Variants in PLCL2 observed in about 807,000 individuals in gnomAD.
PLCL2 encodes phospholipase C like 2.
A neutral mutation model predicts 79.6 loss-of-function variants in PLCL2; 4 were observed. The ratio of observed to expected loss-of-function variants is 0.05; its 90% CI spans 0.02 to 0.11. The LOEUF is 0.11. PLCL2 is among the 10% of genes least tolerant of loss of function. The pLI, the probability that PLCL2 is intolerant of heterozygous loss-of-function variation, is 1.00. For missense variants in PLCL2, 895 were observed against 1,291.0 expected, an observed-to-expected ratio of 0.69 and a Z score of 4.70; for synonymous variants, 484 against 457.7, an observed-to-expected ratio of 1.06 and a Z score of -0.73.
chr3:17,034,430 T>C (rs1290608623), intron 3 of PLCL2, among the ~76,000 whole-genome samples: 1 of 152,192 alleles, frequency 6.6e-6, no homozygotes, highest in Admixed American at 6.5e-5. Context: ...AATTATCAGG[T>C]ATTTGACATT....
At chr3:17,024,958 C>A (rs570317034) in intron 3 of PLCL2, among the ~76,000 whole-genome samples, 2 of 152,162 alleles carry the variant, frequency 1.3e-5, no homozygotes, top group Non-Finnish European at 2.9e-5. Context: ...GAAACCTGGG[C>A]GCTTCATGAG....
At chr3:16,914,932 G>A (rs1181157076) in intron 1 of PLCL2, among the ~76,000 whole-genome samples, 1 of 152,054 alleles carries the variant, frequency 6.6e-6, no homozygotes, top group Admixed American at 6.6e-5. Flanking sequence ...AGATCTTGCA[G>A]TGTTGCCCAG....
chr3:17,007,092 A>G (rs530274504), intron 1 of PLCL2, among the ~76,000 whole-genome samples: 1 of 152,328 alleles, frequency 6.6e-6, no homozygotes, highest in Admixed American at 6.5e-5. Flanking sequence ...CACGATATAT[A>G]AAGATTATAA....
At chr3:17,060,016 C>T (rs2064933066) in intron 4 of PLCL2, among the ~76,000 whole-genome samples, 2 of 151,136 alleles carry the variant, frequency 1.3e-5, no homozygotes, top group African/African-American at 2.4e-5. Flanking sequence ...AACAGAACTC[C>T]TCTGTGCATG....
rs1193096050 is a variant in PLCL2, at chr3:17,010,085, C to A, written c.739C>A (p.Arg247=). 6 of 1,613,686 alleles carry A rather than the reference C, an allele frequency of 3.7e-6. No homozygotes were observed. The highest frequency in any genetic ancestry group is 5.1e-6 in the Non-Finnish European group (6 of 1,179,788). Residue 247 remains arginine, a synonymous_variant, in exon 2 of 6, where the codon CGG becomes AGG. Coordinates refer to ENST00000615277, the MANE Select transcript of PLCL2 (RefSeq NM_001144382.2). This position sits in a 1 kb window ranked among gnomAD's most constrained non-coding sequence, Gnocchi z 5.8. The part of the protein sequence containing the change: ...DVANIWVTGL[R]YLISYGKHTL... ...TGCAAACATCTGGGTTACAGGACTG[C>A]GGTACCTAATTTCTTATGGAAAACA...
intron 5 of PLCL2, among the ~76,000 whole-genome samples, chr3:17,079,090 A>T (rs1265499544): frequency 6.6e-6 from 1 of 152,168 alleles, no homozygotes; most frequent in Non-Finnish European, 1.5e-5. Flanking sequence ...GGTGTGCTTG[A>T]AAGATTAATA....
intron 3 of PLCL2, among the ~76,000 whole-genome samples, chr3:17,042,487 T>TG (rs2064735175): frequency 6.6e-6 from 1 of 152,206 alleles, no homozygotes; most frequent in Non-Finnish European, 1.5e-5. Flanking sequence ...GTGTAGGTGT[T>TG]GAAGTTTTCT....
intron 1 of PLCL2, among the ~76,000 whole-genome samples, chr3:16,935,170 GT>G (rs1438298686): frequency 5.3e-5 from 8 of 152,200 alleles, no homozygotes; most frequent in African/African-American, 1.9e-4. Context: ...CAAAGTTGAA[GT>G]TTTTTTCATG....
In PLCL2 at chr3:16,905,428, C is replaced by T. The variant is rs115111667; in HGVS notation, c.327+20062C>T. Among the ~76,000 whole-genome samples the T allele has an allele frequency of 9.7e-3, 1,481 of 152,288 alleles. 30 individuals carry two copies. Among genetic ancestry groups the T allele is most frequent in the African/African-American group, 0.034 (1,417 of 41,554 alleles). On this transcript the variant is annotated intron_variant, in intron 1 of 5. Coordinates refer to ENST00000615277, the MANE Select transcript of PLCL2 (RefSeq NM_001144382.2). ...CTCTGTATCAAACCAAAATAGCAGC[C>T]TTCTAATGGAAATTTTCTTTTAGTA...
intron 1 of PLCL2, among the ~76,000 whole-genome samples, chr3:16,891,859 C>G (rs1335899898): frequency 6.6e-6 from 1 of 152,216 alleles, no homozygotes; most frequent in Non-Finnish European, 1.5e-5. Flanking sequence ...TCTGTTTCCT[C>G]AGGTTTCCTT....
At chr3:17,049,821 G>GA (rs1010502524) in intron 4 of PLCL2, among the ~76,000 whole-genome samples, 28 of 148,104 alleles carry the variant, frequency 1.9e-4, no homozygotes, top group South Asian at 1.1e-3. Flanking sequence ...CATGGAAATT[G>GA]AAAAAAAAAA....
intron 5 of PLCL2, among the ~76,000 whole-genome samples, chr3:17,074,296 T>G (rs2065089189): frequency 6.6e-6 from 1 of 152,208 alleles, no homozygotes; most frequent in African/African-American, 2.4e-5. Flanking sequence ...GCAGTAATAT[T>G]GTGAAAGGAA....
intron 5 of PLCL2, among the ~76,000 whole-genome samples, chr3:17,074,926 C>G (rs2065095282): frequency 6.6e-6 from 1 of 152,226 alleles, no homozygotes; most frequent in Non-Finnish European, 1.5e-5. Context: ...TGAGACCACT[C>G]AAACTTTCTC....
chr3:16,940,407 T>C (rs1012242124), intron 1 of PLCL2, among the ~76,000 whole-genome samples: 1 of 152,232 alleles, frequency 6.6e-6, no homozygotes, highest in Admixed American at 6.5e-5. Flanking sequence ...ATCTTGCGTT[T>C]GCTTTTGCAA....
chr3:16,967,554 A>G (rs553411152), intron 1 of PLCL2, among the ~76,000 whole-genome samples: 2 of 151,974 alleles, frequency 1.3e-5, no homozygotes, highest in South Asian at 4.2e-4. Context: ...TTGGCCACCT[A>G]TGTATGTCTT....
chr3:16,901,979 G>A (rs1176302146), intron 1 of PLCL2, among the ~76,000 whole-genome samples: 1 of 152,114 alleles, frequency 6.6e-6, no homozygotes, highest in Non-Finnish European at 1.5e-5. Context: ...TTGTTCCATA[G>A]CCATAGCTGC....
Position 17,010,748 on chromosome 3 carries a change from C to T in PLCL2, c.1402C>T (p.Arg468Trp). 2 of 1,614,038 alleles carry T rather than the reference C, an allele frequency of 1.2e-6. No individual in the cohort carries two copies. Among genetic ancestry groups the T allele is most frequent in the Non-Finnish European group, 1.7e-6 (2 of 1,180,000 alleles). Reference sequence around the variant, plus strand: ...TATTCGAGCTCTTAAAATGGGTTGCCGGAGTGTTGAATTAGATGTATGGGA... The same window carrying T: ...TATTCGAGCTCTTAAAATGGGTTGCTGGAGTGTTGAATTAGATGTATGGGA... ...GYIRALKMGC[R>W]SVELDVWDGP... The change falls in exon 2 of 6, where the codon CGG (arginine) becomes TGG (tryptophan). Residue 468 changes from arginine (R) to tryptophan (W), a missense_variant. Transcript: ENST00000615277. The surrounding 1 kb of genome is among the most constrained non-coding windows in gnomAD (Gnocchi z 5.8).
In PLCL2 at chr3:17,042,901, G is replaced by A. The variant is rs760695821; in HGVS notation, c.3046G>A (p.Glu1016Lys). 6.2e-7 allele frequency: 1 copy of A among 1,612,710 alleles called. No homozygotes were observed. Among genetic ancestry groups the A allele is most frequent in the Non-Finnish European group, 8.5e-7 (1 of 1,178,844 alleles). ...MMIQSLKALI[E>K]NADAVYEKIV... ...GATTCAGTCCCTCAAGGCGTTGATT[G>A]AAAATGCAGATGCTGTATATGAAAA... Residue 1016 changes from glutamate to lysine, a missense_variant, in exon 4 of 6, where the codon GAA (glutamate) becomes AAA (lysine). Glu to Lys is a moderately conservative substitution (Grantham distance 56, BLOSUM62 1). Around this residue, in one of 6 missense-constraint regions of PLCL2, gnomAD observed 298 missense variants for 459.6 expected, o/e 0.65. Transcript: ENST00000615277.
chr3:16,938,546 T>C (rs1468982516), intron 1 of PLCL2, among the ~76,000 whole-genome samples: 2 of 152,226 alleles, frequency 1.3e-5, no homozygotes, highest in Non-Finnish European at 2.9e-5. Context: ...AACCATTTTC[T>C]TTCCCTAACA....
Sources: gnomAD v4.1 joint callset for allele counts (sites outside exome capture counted in the v4.1 genomes callset) on GRCh38, gnomAD v4.1.1 for gene constraint, gnomAD v4.1.1 regional missense constraint, Gnocchi (gnomAD v3.1) non-coding constraint, MANE v1.5 for transcripts, NCBI Gene and HGNC (gene_info 2026-07-23, HGNC 2026-07-21) for gene names.